The following CELSR3 variants were observed in gnomAD, a reference collection of about 807,000 sequenced individuals.
CELSR3 encodes the protein EGF-like protein 1.
A neutral mutation model predicts 270.0 loss-of-function variants in CELSR3; 73 were observed. The ratio of observed to expected loss-of-function variants is 0.27; its 90% confidence interval spans 0.22 to 0.33. CELSR3 has a LOEUF of 0.33. CELSR3 is among the 10% of genes least tolerant of loss of function. CELSR3 has a pLI of 1.00. For synonymous variants in CELSR3, 1,780 were observed against 1,905.4 expected, an observed-to-expected ratio of 0.93 and a Z score of 1.71; for missense variants, 3,614 against 4,533.8, an observed-to-expected ratio of 0.80 and a Z score of 5.83.
Position 48,654,050 on chromosome 3 carries a change from G to C in CELSR3, c.5153-47C>G. 1 of 1,600,314 alleles carries C rather than the reference G, an allele frequency of 6.2e-7. No individual in the cohort carries two copies. The highest frequency in any genetic ancestry group is 1.8e-4 in the Middle Eastern group (1 of 5,470). Reference sequence around the variant, plus strand: ...CGGACATGAGAACAAGGGTTGGGGGGCACAAGTGCTGGACAGGACTTTAGT... The same window carrying C: ...CGGACATGAGAACAAGGGTTGGGGGCCACAAGTGCTGGACAGGACTTTAGT... On this transcript the variant is annotated intron_variant, in intron 7 of 34. Transcript: ENST00000164024. The surrounding 1 kb of genome is among the most constrained non-coding windows in gnomAD (Gnocchi z 5.4).
chr3:48,648,293 G>C lies in CELSR3; in HGVS notation c.6946C>G (p.Pro2316Ala), dbSNP rs745788332. The C allele has an allele frequency of 8.1e-6, 13 of 1,611,754 alleles. No homozygotes were observed. The highest frequency in any genetic ancestry group is 1.1e-5 in the Non-Finnish European group (13 of 1,179,578). ...ATATTAGGCGTCACCAGCCCCATGGGATTCAGGTATGTGAGTTCCATATTC... is the reference window on the plus strand; with the variant it reads ...ATATTAGGCGTCACCAGCCCCATGGCATTCAGGTATGTGAGTTCCATATTC... ...ARNMELTYLN[P>A]MGLVTPNIML... is the part of the protein sequence containing the mutation. The change falls in exon 19 of 35, where the codon CCC (proline) becomes GCC (alanine). Residue 2316 changes from proline to alanine, a missense_variant. This residue lies in a region of CELSR3 where 1,331 missense variants were observed against 1,933.7 expected (regional missense o/e 0.69). Transcript: ENST00000164024.
In CELSR3 at chr3:48,642,690, C is replaced by T; in HGVS notation, c.8555+46G>A. On this transcript the variant is annotated intron_variant, in intron 30 of 34. Transcript: ENST00000164024. The surrounding 1 kb of genome is among the most constrained non-coding windows in gnomAD (Gnocchi z 6.1). Reference sequence around the variant, plus strand: ...TCAGCCAAGCCCTGGTAAGGTGGGGCTGGACTAAGCTGAGTGTTCCCTCAC... The same window carrying T: ...TCAGCCAAGCCCTGGTAAGGTGGGGTTGGACTAAGCTGAGTGTTCCCTCAC... The T allele has an allele frequency of 6.3e-7, 1 of 1,583,568 alleles. No individual in the cohort carries two copies. Among genetic ancestry groups the T allele is most frequent in the Non-Finnish European group, 8.6e-7 (1 of 1,168,150 alleles).
intron 16 of CELSR3, among the ~76,000 whole-genome samples, chr3:48,649,653 G>A (rs1032468886): frequency 2.2e-4 from 34 of 152,188 alleles, no homozygotes; most frequent in African/African-American, 7.5e-4. Flanking sequence ...AGTCAGGTGG[G>A]AGGATTCTCA....
chr3:48,643,030 G>C lies in CELSR3; in HGVS notation c.8343C>G (p.Ala2781=), dbSNP rs2047044023. The C allele has an allele frequency of 2.5e-6, 4 of 1,612,776 alleles. No homozygotes were observed. In the East Asian group the frequency reaches 8.9e-5, roughly 36 times the overall value. Residue 2781 remains alanine, a synonymous_variant, in exon 29 of 35, where the codon GCC becomes GCG. Coordinates refer to ENST00000164024, the MANE Select transcript of CELSR3 (RefSeq NM_001407.3). The part of the protein sequence containing the change: ...FCVLNADARA[A]WMPACLGRKA... ...TCCTGCCCAGACAGGCTGGCATCCA[G>C]GCAGCCCGAGCATCTGCATTTAGGA... is the stretch of plus-strand genomic sequence containing the variant.
Position 48,656,971 on chromosome 3 carries a change from C to T in CELSR3, c.4126G>A (p.Asp1376Asn). 6.2e-7 allele frequency: 1 copy of T among 1,612,948 alleles called. No individual in the cohort carries two copies. The highest frequency in any genetic ancestry group is 8.5e-7 in the Non-Finnish European group (1 of 1,179,552). ...CAGGGCTCTCGCAGGCACACGTTGTCGTCGAAGGGCAGTACGTCGAGCAGG... is the reference window on the plus strand; with the variant it reads ...CAGGGCTCTCGCAGGCACACGTTGTTGTCGAAGGGCAGTACGTCGAGCAGG... ...RSLLDVLPFD[D>N]NVCLREPCEN... The change falls in exon 2 of 35, where the codon GAC becomes AAC. Residue 1376 changes from aspartate (D) to asparagine (N), a missense_variant. By Grantham distance (23) the Asp-to-Asn change is conservative. Coordinates refer to ENST00000164024, the MANE Select transcript of CELSR3 (RefSeq NM_001407.3).
chr3:48,651,382 T>A lies in CELSR3; in HGVS notation c.6163A>T (p.Thr2055Ser), dbSNP rs369308010. 1.9e-6 allele frequency: 3 copies of A among 1,613,950 alleles called. No individual in the cohort carries two copies. Among genetic ancestry groups the A allele is most frequent in the African/African-American group, 1.3e-5 (1 of 74,924 alleles). The change falls in exon 14 of 35, where the codon ACA becomes TCA. Residue 2055 changes from threonine to serine, a missense_variant. By Grantham distance (58) the Thr-to-Ser change is moderately conservative (BLOSUM62 1). Transcript: ENST00000164024. The surrounding 1 kb of genome is among the most constrained non-coding windows in gnomAD (Gnocchi z 7.4). ...ACCTTGCAGTGACACTGCCCATTTG[T>A]CTTGTTGCAGTTGGGATCAAAACCT... ...HKGFDPNCNK[T>S]NGQCHCKEFH...
chr3:48,646,273 T>G lies in CELSR3; in HGVS notation c.7296-16A>C, dbSNP rs761836062. 1 of 1,605,210 alleles carries G rather than the reference T, an allele frequency of 6.2e-7. No individual in the cohort carries two copies. The highest frequency in any genetic ancestry group is 1.1e-5 in the South Asian group (1 of 90,602). On this transcript the variant is annotated splice_polypyrimidine_tract_variant and intron_variant, in intron 21 of 34. Transcript: ENST00000164024. The surrounding 1 kb of genome is among the most constrained non-coding windows in gnomAD (Gnocchi z 4.8). Reference sequence around the variant, plus strand: ...CTGAGGAAGCCTGGGGAGACACCCATCTGGGCTTACGCACTGCTGACCTCC... The same window carrying G: ...CTGAGGAAGCCTGGGGAGACACCCAGCTGGGCTTACGCACTGCTGACCTCC...
Position 48,659,834 on chromosome 3 carries a change from C to A in CELSR3, c.2801G>T (p.Arg934Leu). ...TGCCTTCTGTGGGATGCCATTGTCCCGAGCTGTGATAGCCAGGGTGTAGGT... is the reference window on the plus strand; with the variant it reads ...TGCCTTCTGTGGGATGCCATTGTCCAGAGCTGTGATAGCCAGGGTGTAGGT... The part of the protein sequence containing the change: ...QVTYTLAITA[R>L]DNGIPQKADT... The change falls in exon 1 of 35, where the codon CGG becomes CTG. Residue 934 changes from arginine to leucine, a missense_variant. Physicochemically the swap from Arg to Leu is moderately radical, Grantham distance 102. Transcript: ENST00000164024. The surrounding 1 kb of genome is among the most constrained non-coding windows in gnomAD (Gnocchi z 8.1). The A allele has an allele frequency of 1.2e-6, 2 of 1,614,164 alleles. No homozygotes were observed. The highest frequency in any genetic ancestry group is 1.7e-6 in the Non-Finnish European group (2 of 1,180,028).
chr3:48,654,110 C>T lies in CELSR3; in HGVS notation c.5153-107G>A, dbSNP rs566217898. ...GGCTGAAAGAGACCAAGATCTCAGCCCCATTTCCCATTTTCTTTCGATGAG... is the reference window on the plus strand; with the variant it reads ...GGCTGAAAGAGACCAAGATCTCAGCTCCATTTCCCATTTTCTTTCGATGAG... On this transcript the variant is annotated intron_variant, in intron 7 of 34. Transcript: ENST00000164024. The surrounding 1 kb of genome is among the most constrained non-coding windows in gnomAD (Gnocchi z 5.4). The T allele has an allele frequency of 2.6e-5, 39 of 1,523,164 alleles. 2 individuals are homozygous for T. The Middle Eastern group carries it at 8.1e-4, about 32-fold the overall frequency. 94.4% of individuals were successfully genotyped at this position (1,523,164 alleles called of 1,614,324 possible).
rs1330470666 is a variant in CELSR3, at chr3:48,661,940, C to T, written c.695G>A (p.Arg232Gln). The change falls in exon 1 of 35, where the codon CGG becomes CAG. Residue 232 changes from arginine to glutamine, a missense_variant. Arg to Gln is a conservative substitution (Grantham distance 43). This residue lies in a region of CELSR3 where 470 missense variants were observed against 469.7 expected (regional missense o/e 1.00). Transcript: ENST00000164024. ...TSGAERTAPR[R>Q]NCLPGASGSG... ...TCCCGAGGCCCCTGGAAGACAGTTC[C>T]GCCGGGGGGCTGTCCTTTCTGCTCC... 3.1e-6 allele frequency: 5 copies of T among 1,613,368 alleles called. No homozygotes were observed. Among genetic ancestry groups the T allele is most frequent in the Non-Finnish European group, 3.4e-6 (4 of 1,180,030 alleles).
At position 48,639,961 on chromosome 3, in the gene CELSR3, A is replaced by G. The variant is rs559060559; in HGVS notation, c.9624T>C (p.Pro3208=). Residue 3208 remains proline, a synonymous_variant, in exon 34 of 35, where the codon CCT becomes CCC. Coordinates refer to ENST00000164024, the MANE Select transcript of CELSR3 (RefSeq NM_001407.3). The surrounding 1 kb of genome is among the most constrained non-coding windows in gnomAD (Gnocchi z 4.1). ...GGGCTTCTCGTGAGGGGTGCCGGCT[A>G]GGCACCTGGTCCAGCTGCTCCCGAG... ...SNSREQLDQV[P]SRHPSREALG... The G allele has an allele frequency of 1.2e-6, 2 of 1,612,838 alleles. No homozygotes were observed. The highest frequency in any genetic ancestry group is 2.2e-5 in the South Asian group (2 of 91,088).
chr3:48,641,369 T>C lies in CELSR3; in HGVS notation c.8980A>G (p.Ser2994Gly). 1 of 1,612,530 alleles carries C rather than the reference T, an allele frequency of 6.2e-7. No individual in the cohort carries two copies. Among genetic ancestry groups the C allele is most frequent in the Non-Finnish European group, 8.5e-7 (1 of 1,179,780 alleles). ...CGGCCCAGAGAAGTCTCATCCCCAC[T>C]GGTCAGGGCCGGGTCTGGCTGGTTG... ...NNNQPDPALT[S>G]GDETSLGRAQ... Residue 2994 changes from serine (S) to glycine (G), a missense_variant, in exon 33 of 35, where the codon AGT becomes GGT. Ser to Gly is a moderately conservative substitution (Grantham distance 56). This residue lies in a region of CELSR3 where 1,240 missense variants were observed against 1,351.7 expected (regional missense o/e 0.92). Coordinates refer to ENST00000164024, the MANE Select transcript of CELSR3 (RefSeq NM_001407.3). This position sits in a 1 kb window ranked among gnomAD's most constrained non-coding sequence, Gnocchi z 4.8.
At chr3:48,638,264 G>A (rs1363009101) in intron 34 of CELSR3, 32 bp from the exon 35 acceptor site, 2 of 1,592,262 alleles carry the variant, frequency 1.3e-6, no homozygotes, top group Non-Finnish European at 1.7e-6. Flanking sequence ...AGAGGTTGAT[G>A]CCCAGAGGAC....
chr3:48,654,144 G>C lies in CELSR3; in HGVS notation c.5153-141C>G. ...CATTTTCTTTCGATGAGTGGGGTTG[G>C]TAAGAGTCAGGCCCTAAAATCTGGG... On this transcript the variant is annotated intron_variant, in intron 7 of 34. Coordinates refer to ENST00000164024, the MANE Select transcript of CELSR3 (RefSeq NM_001407.3). This position sits in a 1 kb window ranked among gnomAD's most constrained non-coding sequence, Gnocchi z 5.4. 1 of 1,489,544 alleles carries C rather than the reference G, an allele frequency of 6.7e-7. No homozygotes were observed. The highest frequency in any genetic ancestry group is 1.3e-5 in the South Asian group (1 of 78,610). The allele number at this position is 1,489,544 out of a possible 1,614,324, so 92.3% of individuals were successfully genotyped here.
chr3:48,652,544 C>T lies in CELSR3; in HGVS notation c.5644G>A (p.Ala1882Thr). Residue 1882 changes from alanine (A) to threonine (T), a missense_variant, in exon 11 of 35, where the codon GCG (alanine) becomes ACG (threonine). Coordinates refer to ENST00000164024, the MANE Select transcript of CELSR3 (RefSeq NM_001407.3). The surrounding 1 kb of genome is among the most constrained non-coding windows in gnomAD (Gnocchi z 4.3). ...LDFSLFQDTM[A>T]VGSELQGLKV... is the part of the protein sequence containing the mutation. Reference sequence around the variant, plus strand: ...AGGCCCTGCAGCTCACTCCCCACCGCCATGGTGTCCTGGAGGAAGTGGGGC... The same window carrying T: ...AGGCCCTGCAGCTCACTCCCCACCGTCATGGTGTCCTGGAGGAAGTGGGGC... 1 of 1,608,926 alleles carries T rather than the reference C, an allele frequency of 6.2e-7. No individual in the cohort carries two copies. The highest frequency in any genetic ancestry group is 8.5e-7 in the Non-Finnish European group (1 of 1,177,604).
chr3:48,641,794 A>T lies in CELSR3; in HGVS notation c.8824+57T>A. ...AACCGCAGGAAAGATGGGGAGCTGG[A>T]GGGATAACAAATGGGGCATCCCTTG... On this transcript the variant is annotated intron_variant, in intron 32 of 34. Coordinates refer to ENST00000164024, the MANE Select transcript of CELSR3 (RefSeq NM_001407.3). The surrounding 1 kb of genome is among the most constrained non-coding windows in gnomAD (Gnocchi z 4.8). 1 of 1,404,196 alleles carries T rather than the reference A, an allele frequency of 7.1e-7. No homozygotes were observed. Among genetic ancestry groups the T allele is most frequent in the Non-Finnish European group, 9.4e-7 (1 of 1,066,586 alleles). 87.0% of individuals were successfully genotyped at this position (1,404,196 alleles called of 1,614,324 possible). A position where few individuals can be genotyped will look rare whatever the true frequency, so the allele number is the denominator to read the frequency against.
In CELSR3 at chr3:48,661,573, G is replaced by A; in HGVS notation, c.1062C>T (p.Ala354=). The stretch of plus-strand genomic sequence containing the variant: ...AGTAGACTAGGCGCCCGGCCTCGCC[G>A]GCGTCCGGGTCCTGAGCAACCACGC... ...VLRVVAQDPD[A]GEAGRLVYSL... The change falls in exon 1 of 35, where the codon GCC becomes GCT. Residue 354 remains alanine, a synonymous_variant. Transcript: ENST00000164024. 1 of 1,608,752 alleles carries A rather than the reference G, an allele frequency of 6.2e-7. No individual in the cohort carries two copies.
rs1187047488 is a variant in CELSR3, at chr3:48,657,709, C to T, written c.3749-361G>A. On this transcript the variant is annotated intron_variant, in intron 1 of 34. Coordinates refer to ENST00000164024, the MANE Select transcript of CELSR3 (RefSeq NM_001407.3). This position sits in a 1 kb window ranked among gnomAD's most constrained non-coding sequence, Gnocchi z 5.4. ...TATCATGGTCAGCAGGCCACCCCAA[C>T]TCAGGACACAGAGAGGAGCTAGGGC... Among the ~76,000 whole-genome samples the T allele has an allele frequency of 6.6e-6, 1 of 152,206 alleles. No homozygotes were observed. Among genetic ancestry groups the T allele is most frequent in the Non-Finnish European group, 1.5e-5 (1 of 68,030 alleles).
At chr3:48,638,326 C>G (rs982443588) in intron 34 of CELSR3, 94 bp from the exon 35 acceptor site, 1 of 894,296 alleles carries the variant, frequency 1.1e-6, no homozygotes, top group Admixed American at 1.7e-5. Context: ...TGGCTGCTTC[C>G]CTTGCCTCCA....
Sources: allele counts gnomAD v4.1 joint callset (sites outside exome capture counted in the v4.1 genomes callset), GRCh38; gene constraint gnomAD v4.1.1; regional missense constraint gnomAD v4.1.1; non-coding constraint Gnocchi (gnomAD v3.1); transcripts MANE v1.5; gene names NCBI Gene and HGNC (gene_info 2026-07-23, HGNC 2026-07-21).